The following CAAP1 variants were observed in gnomAD, a reference collection of about 807,000 sequenced individuals.
The protein encoded by CAAP1 is conserved anti-apoptotic protein.
Under a neutral mutation model 34.0 loss-of-function variants are expected in CAAP1, and 20 were observed. The observed-to-expected ratio is 0.59, with a 90% confidence interval of 0.41 to 0.86. The LOEUF (loss-of-function observed/expected upper bound fraction) is 0.86. CAAP1 is among the 40% of genes least tolerant of loss of function. CAAP1 has a pLI of 0.00. For missense variants in CAAP1, 538 were observed against 450.5 expected (o/e 1.19, Z -1.76); for synonymous variants, 213 against 166.7 (o/e 1.28, Z -2.14).
chr9:26,847,587 G>A (rs966498873), intron 5 of CAAP1, among the ~76,000 whole-genome samples: 6 of 151,958 alleles, frequency 3.9e-5, no homozygotes, highest in Non-Finnish European at 7.4e-5. Flanking sequence ...CGTGTGTATT[G>A]CCTTCTGTAT....
At chr9:26,849,553 G>C (rs1822693528) in intron 5 of CAAP1, among the ~76,000 whole-genome samples, 2 of 151,566 alleles carry the variant, frequency 1.3e-5, no homozygotes, top group African/African-American at 4.8e-5. Flanking sequence ...TTAACAGTCT[G>C]AATTTTTATT....
rs537300337 is a variant in CAAP1 at position 26,892,561 on chromosome 9, ACGCTCCCGCAGCCCCCGG to A, written c.137_154del (p.Ala46_Ser51del). On this transcript the variant is annotated inframe_deletion, in exon 1 of 6. Coordinates refer to ENST00000333916, the MANE Select transcript of CAAP1 (RefSeq NM_024828.4). ...AAAATTGGCGTTCCCACAGCAGCTG[ACGCTCCCGCAGCCCCCGG>A]CGCTCCCGCAGCCGCTAGTGCTTCC... The A allele has an allele frequency of 4.4e-4, 704 of 1,588,098 alleles. 2 individuals are homozygous for A. The highest frequency in any genetic ancestry group is 1.7e-3 in the Middle Eastern group (10 of 6,032).
At chr9:26,884,501 T>C (rs1037235299) in intron 4 of CAAP1, among the ~76,000 whole-genome samples, 4 of 152,162 alleles carry the variant, frequency 2.6e-5, no homozygotes, top group Admixed American at 2.6e-4. Context: ...GCTTAATAAA[T>C]AAATAGTGAG....
At chr9:26,850,513 A>G (rs1819700302) in intron 5 of CAAP1, among the ~76,000 whole-genome samples, 1 of 152,256 alleles carries the variant, frequency 6.6e-6, no homozygotes, top group Admixed American at 6.5e-5. Context: ...TATCTTTGGA[A>G]ATACATTAAT....
chr9:26,856,556 CA>C (rs1194372699), intron 5 of CAAP1, among the ~76,000 whole-genome samples: 1 of 152,172 alleles, frequency 6.6e-6, no homozygotes, highest in Non-Finnish European at 1.5e-5. Flanking sequence ...AGATCAAGGC[CA>C]AACAGCCAAC....
chr9:26,892,620 C>T lies in CAAP1; in HGVS notation c.96G>A (p.Leu32=). ...ALAAPDIVPA[L]ASGSSGSTSG... ...TAGTGCTTCCACTGCTGCCGCTGGCCAACGCGGGTACGATGTCCGGGGCCG... is the reference window on the plus strand; with the variant it reads ...TAGTGCTTCCACTGCTGCCGCTGGCTAACGCGGGTACGATGTCCGGGGCCG... Residue 32 remains leucine, a synonymous_variant, in exon 1 of 6, where the codon TTG becomes TTA. Transcript: ENST00000333916. 6.2e-7 allele frequency: 1 copy of T among 1,609,480 alleles called. No individual in the cohort carries two copies. The highest frequency in any genetic ancestry group is 8.5e-7 in the Non-Finnish European group (1 of 1,179,532).
At chr9:26,873,914 T>C (rs745458212) in intron 4 of CAAP1, among the ~76,000 whole-genome samples, 1 of 152,164 alleles carries the variant, frequency 6.6e-6, no homozygotes, top group South Asian at 2.1e-4. Flanking sequence ...TAAAAAATTT[T>C]ACAGATACCT....
chr9:26,869,531 A>G (rs1823223102), intron 4 of CAAP1, among the ~76,000 whole-genome samples: 1 of 152,204 alleles, frequency 6.6e-6, no homozygotes, highest in Non-Finnish European at 1.5e-5. Flanking sequence ...AACCATTTAT[A>G]TTTATACAAT....
At position 26,892,676 on chromosome 9, in the gene CAAP1, G is replaced by T; in HGVS notation, c.40C>A (p.Arg14Ser). 1 of 1,605,054 alleles carries T rather than the reference G, an allele frequency of 6.2e-7. No individual in the cohort carries two copies. Reference sequence around the variant, plus strand: ...GCTGCGGCCGCCTCCTGACTGCTACGTTTGCGCCGTTTCTCCCGGGAGGAC... The same window carrying T: ...GCTGCGGCCGCCTCCTGACTGCTACTTTTGCGCCGTTTCTCCCGGGAGGAC... ...KKSSREKRRK[R>S]SSQEAAAALA... The change falls in exon 1 of 6, where the codon CGT (arginine) becomes AGT (serine). Residue 14 changes from arginine (R) to serine (S), a missense_variant. Arg to Ser is a moderately radical substitution (Grantham distance 110). Coordinates refer to ENST00000333916, the MANE Select transcript of CAAP1 (RefSeq NM_024828.4).
At chr9:26,881,568 C>T (rs1298347286) in intron 4 of CAAP1, among the ~76,000 whole-genome samples, 2 of 152,230 alleles carry the variant, frequency 1.3e-5, no homozygotes, top group East Asian at 3.8e-4. Flanking sequence ...TGCCTTCCAC[C>T]ATGACTGTGA....
intron 4 of CAAP1, among the ~76,000 whole-genome samples, chr9:26,874,529 C>T (rs1457868034): frequency 3.3e-5 from 5 of 152,136 alleles, no homozygotes; most frequent in African/African-American, 9.7e-5. Context: ...CCCAAACGCT[C>T]CCTGTACCCA....
chr9:26,866,816 T>G (rs1038038726), intron 4 of CAAP1, among the ~76,000 whole-genome samples: 3 of 152,168 alleles, frequency 2.0e-5, no homozygotes, highest in Non-Finnish European at 4.4e-5. Context: ...CTCTCAATTC[T>G]GGAGGCCAGA....
intron 4 of CAAP1, among the ~76,000 whole-genome samples, chr9:26,867,149 T>C (rs1024949242): frequency 6.6e-6 from 1 of 152,138 alleles, no homozygotes; most frequent in Admixed American, 6.5e-5. Context: ...GGTATCATCC[T>C]CCCCACATAT....
At chr9:26,885,350 C>T (rs905450448) in intron 3 of CAAP1, among the ~76,000 whole-genome samples, 8 of 152,178 alleles carry the variant, frequency 5.3e-5, no homozygotes, top group Admixed American at 3.3e-4. Context: ...GCTGGGATTA[C>T]AGGCGTGAGC....
chr9:26,873,603 C>T (rs1167334067), intron 4 of CAAP1, among the ~76,000 whole-genome samples: 1 of 152,096 alleles, frequency 6.6e-6, no homozygotes, highest in Non-Finnish European at 1.5e-5. Flanking sequence ...CAAACTAATA[C>T]CTGTTCTCAT....
At chr9:26,885,226 G>A (rs1170054666) in intron 3 of CAAP1, among the ~76,000 whole-genome samples, 1 of 151,642 alleles carries the variant, frequency 6.6e-6, no homozygotes, top group Non-Finnish European at 1.5e-5. Context: ...ACAGGCGCCC[G>A]CCACCACGCC....
In CAAP1 at chr9:26,887,591, T is replaced by C. The variant is rs1823779430; in HGVS notation, c.304-78A>G. 1.1e-5 allele frequency: 9 copies of C among 833,248 alleles called. No homozygotes were observed. The South Asian group carries it at 1.3e-4, about 12-fold the overall frequency. 51.6% of individuals were successfully genotyped at this position (833,248 alleles called of 1,614,324 possible). ...AATACGTACATGACATCATACGTTT[T>C]CATTTAATAAATTCTTCTTCATCAA... is the stretch of plus-strand genomic sequence containing the variant. On this transcript the variant is annotated intron_variant, in intron 1 of 5. Coordinates refer to ENST00000333916, the MANE Select transcript of CAAP1 (RefSeq NM_024828.4).
chr9:26,857,488 C>T (rs527985613), intron 5 of CAAP1, among the ~76,000 whole-genome samples: 25 of 152,122 alleles, frequency 1.6e-4, no homozygotes, highest in East Asian at 7.7e-4. Flanking sequence ...AAAAATTAGC[C>T]GGGTGTGGTA....
At chr9:26,848,877 T>A (rs912476530) in intron 5 of CAAP1, among the ~76,000 whole-genome samples, 1 of 152,234 alleles carries the variant, frequency 6.6e-6, no homozygotes, top group Non-Finnish European at 1.5e-5. Flanking sequence ...TTCACAACTA[T>A]GGCTCACTGA....
Sources: allele counts gnomAD v4.1 joint callset (sites outside exome capture counted in the v4.1 genomes callset), GRCh38; gene constraint gnomAD v4.1.1; transcripts MANE v1.5; gene names NCBI Gene and HGNC (gene_info 2026-07-23, HGNC 2026-07-21).